Variants in MNAT1 observed in about 807,000 individuals in gnomAD.
The protein encoded by MNAT1 is CDK-activating kinase assembly factor MAT1.
In MNAT1, 43 loss-of-function variants were observed where a neutral mutation model predicts 42.0. That is an observed-to-expected ratio of 1.02 (90% CI 0.80 to 1.32). The LOEUF (loss-of-function observed/expected upper bound fraction) is 1.32. Among genes scored for constraint, MNAT1 ranks in the 40% most tolerant of loss-of-function variants. The pLI is 0.00. For missense variants in MNAT1, 306 were observed against 350.4 expected (o/e 0.87, Z 1.01); for synonymous variants, 118 against 120.0 (o/e 0.98, Z 0.11).
At chr14:60,814,541 C>T (rs191830744) in intron 5 of MNAT1, among the ~76,000 whole-genome samples, 1 of 151,954 alleles carries the variant, frequency 6.6e-6, no homozygotes, top group East Asian at 1.9e-4. Flanking sequence ...GTTGATAATG[C>T]TATTATCCTA....
At chr14:60,901,610 C>G (rs1450968072) in intron 7 of MNAT1, among the ~76,000 whole-genome samples, 3 of 152,116 alleles carry the variant, frequency 2.0e-5, no homozygotes, top group Non-Finnish European at 1.5e-5. Flanking sequence ...TATTTGTGAT[C>G]CATGGGAGGA....
chr14:60,764,664 T>G (rs2030741776), intron 1 of MNAT1, among the ~76,000 whole-genome samples: 1 of 152,194 alleles, frequency 6.6e-6, no homozygotes, highest in African/African-American at 2.4e-5. Flanking sequence ...ACATTCTGGA[T>G]TTTGATGCCC....
chr14:60,896,347 T>G (rs1000925124), intron 7 of MNAT1, among the ~76,000 whole-genome samples: 13 of 152,194 alleles, frequency 8.5e-5, no homozygotes, highest in African/African-American at 3.1e-4. Flanking sequence ...GAGACTCTCT[T>G]TTTAATAATC....
intron 6 of MNAT1, among the ~76,000 whole-genome samples, chr14:60,861,926 G>A (rs2034104372): frequency 6.6e-6 from 1 of 152,154 alleles, no homozygotes; most frequent in Admixed American, 6.5e-5. Context: ...GAAAGTTGCT[G>A]GGCAGCAGTC....
At chr14:60,800,710 G>C (rs1566771370) in intron 3 of MNAT1, among the ~76,000 whole-genome samples, 3 of 152,154 alleles carry the variant, frequency 2.0e-5, no homozygotes, top group African/African-American at 7.2e-5. Context: ...GAGAGAGACA[G>C]GTGTATGTGT....
intron 7 of MNAT1, among the ~76,000 whole-genome samples, chr14:60,895,299 T>C (rs1362354447): frequency 6.6e-6 from 1 of 152,172 alleles, no homozygotes; most frequent in Non-Finnish European, 1.5e-5. Context: ...CTAACTAAAT[T>C]TTTAGAAACA....
chr14:60,879,058 A>G (rs946455240), intron 6 of MNAT1, among the ~76,000 whole-genome samples: 1 of 151,884 alleles, frequency 6.6e-6, no homozygotes, highest in Non-Finnish European at 1.5e-5. Context: ...TTCCTCACAA[A>G]TTGATGCAGA....
chr14:60,917,254 G>A (rs773875034), intron 7 of MNAT1, among the ~76,000 whole-genome samples: 2 of 152,108 alleles, frequency 1.3e-5, no homozygotes, highest in Non-Finnish European at 2.9e-5. Context: ...GGTAGGTACA[G>A]TATTGTAATG....
At chr14:60,959,059 C>T (rs967680673) in intron 7 of MNAT1, among the ~76,000 whole-genome samples, 3 of 152,218 alleles carry the variant, frequency 2.0e-5, no homozygotes, top group East Asian at 1.9e-4. Context: ...GTTAGGACTA[C>T]AGGCACACGT....
chr14:60,911,618 T>C (rs1316130747), intron 7 of MNAT1, among the ~76,000 whole-genome samples: 1 of 152,216 alleles, frequency 6.6e-6, no homozygotes, highest in African/African-American at 2.4e-5. Context: ...AGTTTCCATG[T>C]AGTTGAGTGG....
intron 7 of MNAT1, among the ~76,000 whole-genome samples, chr14:60,880,608 AAGTC>A (rs1220288311): frequency 1.3e-5 from 2 of 152,178 alleles, no homozygotes; most frequent in African/African-American, 4.8e-5. Context: ...GCAATAGAAA[AAGTC>A]AGAGACCCCA....
chr14:60,956,864 C>A (rs1026977949), intron 7 of MNAT1, among the ~76,000 whole-genome samples: 1 of 152,042 alleles, frequency 6.6e-6, no homozygotes, highest in Non-Finnish European at 1.5e-5. Context: ...CACTTTCATT[C>A]TGTGTGTGTC....
At chr14:60,944,428 C>A (rs1263252500) in intron 7 of MNAT1, among the ~76,000 whole-genome samples, 2 of 152,136 alleles carry the variant, frequency 1.3e-5, no homozygotes, top group East Asian at 3.9e-4. Flanking sequence ...CACGTGAGGA[C>A]ACAGATAGAA....
intron 6 of MNAT1, among the ~76,000 whole-genome samples, chr14:60,849,116 A>G (rs1183781102): frequency 2.0e-5 from 3 of 152,228 alleles, no homozygotes; most frequent in Admixed American, 1.3e-4. Context: ...GAAATTTCTT[A>G]AACAGTGTTT....
chr14:60,775,377 G>A (rs2031211799), intron 1 of MNAT1, among the ~76,000 whole-genome samples: 1 of 152,192 alleles, frequency 6.6e-6, no homozygotes, highest in Non-Finnish European at 1.5e-5. Flanking sequence ...TAATCAGAAT[G>A]AGTTAAAGAG....
chr14:60,823,884 C>T (rs186919705), intron 6 of MNAT1, among the ~76,000 whole-genome samples: 5 of 151,828 alleles, frequency 3.3e-5, no homozygotes, highest in East Asian at 1.9e-4. Context: ...CAAGGCTGGG[C>T]GCGGTGGCTC....
chr14:60,960,183 T>A (rs1468814135), intron 7 of MNAT1, among the ~76,000 whole-genome samples: 1 of 152,226 alleles, frequency 6.6e-6, no homozygotes, highest in Admixed American at 6.5e-5. Flanking sequence ...CTGTTATTAT[T>A]GTTTTCCTCC....
chr14:60,854,954 C>CG (rs900955747), intron 6 of MNAT1, among the ~76,000 whole-genome samples: 16 of 152,152 alleles, frequency 1.1e-4, no homozygotes, highest in Non-Finnish European at 2.2e-4. Context: ...CCCAGAGAGA[C>CG]GGGGGTTTTG....
In MNAT1 at chr14:60,734,804, C is replaced by T; in HGVS notation, c.-59C>T. Reference sequence around the variant, plus strand: ...ACCTGCTTGGTCGCGTCTGAGGGGGCTTGTAGGTGGCTCTGGCTGAAACAG... The same window carrying T: ...ACCTGCTTGGTCGCGTCTGAGGGGGTTTGTAGGTGGCTCTGGCTGAAACAG... On this transcript the variant is annotated 5_prime_UTR_variant, in exon 1 of 8. Transcript: ENST00000261245. The surrounding 1 kb of genome is among the most constrained non-coding windows in gnomAD (Gnocchi z 4.3). 10 of 1,533,514 alleles carry T rather than the reference C, an allele frequency of 6.5e-6. No homozygotes were observed. Among genetic ancestry groups the T allele is most frequent in the Non-Finnish European group, 9.0e-6 (10 of 1,107,758 alleles). The allele number at this position is 1,533,514 out of a possible 1,614,324, so 95.0% of individuals were successfully genotyped here.
Sources: gnomAD v4.1 joint callset for allele counts (sites outside exome capture counted in the v4.1 genomes callset) on GRCh38, gnomAD v4.1.1 for gene constraint, Gnocchi (gnomAD v3.1) non-coding constraint, MANE v1.5 for transcripts, NCBI Gene and HGNC (gene_info 2026-07-23, HGNC 2026-07-21) for gene names.